The following TEKT1 variants were observed in gnomAD, a reference collection of about 807,000 sequenced individuals.
The protein encoded by TEKT1 is tektin-1.
A neutral mutation model predicts 34.8 loss-of-function variants in TEKT1; 32 were observed. That is an observed-to-expected ratio of 0.92 (90% CI 0.69 to 1.23). TEKT1 has a LOEUF of 1.23. Among genes scored for constraint, TEKT1 ranks in the 50% most tolerant of loss-of-function variants. TEKT1 has a pLI of 0.00. For synonymous variants in TEKT1, 207 were observed against 199.8 expected (o/e 1.04, Z -0.30); for missense variants, 492 against 518.5 (o/e 0.95, Z 0.50).
Position 6,819,185 on chromosome 17 carries a change from G to C in TEKT1, c.356+8C>G, listed in dbSNP as rs1278219072. On this transcript the variant is annotated splice_region_variant and intron_variant, in intron 3 of 7. Transcript: ENST00000338694. Reference sequence around the variant, plus strand: ...CACATGAATCATTTGAGGGACCTTCGCTCCTACCTGTATGCCAGGCATGTC... The same window carrying C: ...CACATGAATCATTTGAGGGACCTTCCCTCCTACCTGTATGCCAGGCATGTC... The C allele has an allele frequency of 6.2e-7, 1 of 1,609,666 alleles. No homozygotes were observed. The highest frequency in any genetic ancestry group is 8.5e-7 in the Non-Finnish European group (1 of 1,178,450).
At chr17:6,820,604 A>G (rs1977073576) in intron 2 of TEKT1, among the ~76,000 whole-genome samples, 1 of 152,142 alleles carries the variant, frequency 6.6e-6, no homozygotes, top group South Asian at 2.1e-4. Context: ...ATATGCCCTC[A>G]ATATATTCCA....
Position 6,800,037 on chromosome 17 carries a change from G to T in TEKT1, c.1247C>A (p.Ala416Asp). 6.2e-7 allele frequency: 1 copy of T among 1,607,324 alleles called. No individual in the cohort carries two copies. The highest frequency in any genetic ancestry group is 8.5e-7 in the Non-Finnish European group (1 of 1,179,756). ...GVWAGGLRPD[A>D]VC is the part of the protein sequence containing the mutation. ...GAACTAGCCCTACTATTAGCAGACA[G>T]CATCAGGGCGGAGGCCCCCAGCCCA... The change falls in exon 8 of 8, where the codon GCT becomes GAT. Residue 416 changes from alanine to aspartate, a missense_variant. Physicochemically the swap from Ala to Asp is moderately radical, Grantham distance 126 (BLOSUM62 -2). Transcript: ENST00000338694.
Position 6,815,182 on chromosome 17 carries a change from C to T in TEKT1, c.610G>A (p.Ala204Thr), listed in dbSNP as rs138169798. ...NSPNIRYSENAVRIEPNSVSL... is the reference protein window; with the variant it reads ...NSPNIRYSENTVRIEPNSVSL... The stretch of plus-strand genomic sequence containing the variant: ...ACTCACTTTGGCTCAATCCTCACGG[C>T]GTTCTCAGAATATCTGATGTTTGGT... The change falls in exon 5 of 8, where the codon GCC becomes ACC. Residue 204 changes from alanine to threonine, a missense_variant. By Grantham distance (58) the Ala-to-Thr change is moderately conservative. Coordinates refer to ENST00000338694, the MANE Select transcript of TEKT1 (RefSeq NM_053285.2). 6.8e-6 allele frequency: 11 copies of T among 1,612,868 alleles called. No individual in the cohort carries two copies. The highest frequency in any genetic ancestry group is 2.2e-5 in the South Asian group (2 of 90,802).
rs552219501 is a variant in TEKT1, at chr17:6,811,150, CTATCTCAGATCCATCTTTCA to C, written c.852+1661_852+1680del. On this transcript the variant is annotated intron_variant, in intron 6 of 7. Coordinates refer to ENST00000338694, the MANE Select transcript of TEKT1 (RefSeq NM_053285.2). The surrounding 1 kb of genome is among the most constrained non-coding windows in gnomAD (Gnocchi z 4.4). The stretch of plus-strand genomic sequence containing the variant: ...GTGCTCTCCCATCCTCCCTTCTGTC[CTATCTCAGATCCATCTTTCA>C]AGGCCTATACTAAGTTCTTATTCCA... Among the ~76,000 whole-genome samples, 4 of 152,308 alleles carry C rather than the reference CTATCTCAGATCCATCTTTCA, an allele frequency of 2.6e-5. No individual in the cohort carries two copies. The South Asian group carries it at 8.3e-4, about 32-fold the overall frequency.
chr17:6,826,716 G>A (rs1295009133), intron 2 of TEKT1, among the ~76,000 whole-genome samples: 4 of 147,074 alleles, frequency 2.7e-5, no homozygotes, highest in African/African-American at 5.1e-5. Context: ...TTTTTTTTGC[G>A]ACGGAGTCTT....
intron 2 of TEKT1, among the ~76,000 whole-genome samples, chr17:6,827,000 A>G (rs906053467): frequency 1.6e-4 from 25 of 152,100 alleles, no homozygotes; most frequent in African/African-American, 5.6e-4. Context: ...TGGCCAAGAT[A>G]TCATTTTTTA....
In TEKT1 at chr17:6,829,810, C is replaced by T. The variant is rs1904518864; in HGVS notation, c.190+377G>A. ...ATTTTGGACCTACAACTGGCTGAAC[C>T]CATGGATACAAAGGGCTGACTGTAT... is the stretch of plus-strand genomic sequence containing the variant. On this transcript the variant is annotated intron_variant, in intron 2 of 7. Transcript: ENST00000338694. Among the ~76,000 whole-genome samples, 4 of 151,934 alleles carry T rather than the reference C, an allele frequency of 2.6e-5. No homozygotes were observed. In the South Asian group the frequency reaches 8.3e-4, roughly 32 times the overall value.
At chr17:6,825,294 T>C (rs571676912) in intron 2 of TEKT1, among the ~76,000 whole-genome samples, 1 of 152,228 alleles carries the variant, frequency 6.6e-6, no homozygotes, top group Admixed American at 6.5e-5. Flanking sequence ...ATGTGACCAA[T>C]TGGAAGTGAT....
intron 7 of TEKT1, 104 bp from the exon 8 acceptor site, chr17:6,800,338 G>C: frequency 1.1e-6 from 1 of 897,264 alleles, no homozygotes; most frequent in South Asian, 1.7e-5. Context: ...AAATTGATAT[G>C]TGCTCTTCCC....
At chr17:6,815,756 T>C in intron 4 of TEKT1, 78 bp downstream of exon 4, 3 of 1,586,696 alleles carry the variant, frequency 1.9e-6, no homozygotes, top group Non-Finnish European at 1.7e-6. Flanking sequence ...TTCTGTGCCA[T>C]GGAGCCCAGC....
chr17:6,801,368 G>A (rs1194479495), intron 6 of TEKT1, among the ~76,000 whole-genome samples: 2 of 152,144 alleles, frequency 1.3e-5, no homozygotes, highest in African/African-American at 4.8e-5. Context: ...GGAGCAGTTG[G>A]GTCTGAGTTT....
intron 3 of TEKT1, among the ~76,000 whole-genome samples, chr17:6,817,088 GT>G (rs1977017168): frequency 1.3e-5 from 2 of 152,150 alleles, no homozygotes; most frequent in African/African-American, 4.8e-5. Flanking sequence ...ATAGAAAGAT[GT>G]TTTAGGGTGG....
intron 3 of TEKT1, 21 bp downstream of exon 3, chr17:6,819,172 T>C (rs565105936): frequency 6.2e-7 from 1 of 1,605,402 alleles, no homozygotes; most frequent in Admixed American, 1.7e-5. Flanking sequence ...CATGAATCAT[T>C]TGAGGGACCT....
chr17:6,815,369 A>C, intron 4 of TEKT1, 63 bp from the exon 5 acceptor site: 1 of 1,605,002 alleles, frequency 6.2e-7, no homozygotes. Flanking sequence ...CCACGTCCTC[A>C]GAGAGGTCCT....
At chr17:6,818,085 T>C (rs1351974536) in intron 3 of TEKT1, among the ~76,000 whole-genome samples, 1 of 152,184 alleles carries the variant, frequency 6.6e-6, no homozygotes, top group Non-Finnish European at 1.5e-5. Context: ...AAACTGCAAG[T>C]AGCTCCACAC....
intron 6 of TEKT1, among the ~76,000 whole-genome samples, chr17:6,802,716 A>G (rs1976792766): frequency 6.8e-6 from 1 of 146,400 alleles, no homozygotes; most frequent in African/African-American, 2.5e-5. Context: ...CCCACCTATG[A>G]GTGAGAACAT....
At chr17:6,806,068 G>A (rs1344655605) in intron 6 of TEKT1, among the ~76,000 whole-genome samples, 2 of 152,064 alleles carry the variant, frequency 1.3e-5, no homozygotes, top group Non-Finnish European at 2.9e-5. Context: ...ACAGTGGGGT[G>A]GTAAAGTCTC....
chr17:6,826,453 A>G (rs1364385877), intron 2 of TEKT1, among the ~76,000 whole-genome samples: 1 of 152,152 alleles, frequency 6.6e-6, no homozygotes, highest in Non-Finnish European at 1.5e-5. Flanking sequence ...TCATTTTAAT[A>G]TAGTCTAATT....
At chr17:6,808,639 G>A (rs1478077152) in intron 6 of TEKT1, among the ~76,000 whole-genome samples, 1 of 152,022 alleles carries the variant, frequency 6.6e-6, no homozygotes. Flanking sequence ...TAACAAATAA[G>A]ACCTTCTGGA....
Sources: gnomAD v4.1 joint callset for allele counts (sites outside exome capture counted in the v4.1 genomes callset) on GRCh38, gnomAD v4.1.1 for gene constraint, Gnocchi (gnomAD v3.1) non-coding constraint, MANE v1.5 for transcripts, NCBI Gene and HGNC (gene_info 2026-07-23, HGNC 2026-07-21) for gene names.